Variants in TRIOBP observed in about 807,000 individuals in gnomAD.
The protein encoded by TRIOBP is TRIO and F-actin-binding protein.
TRIOBP carries 169 observed loss-of-function variants against 238.8 expected under a neutral mutation model. That is an observed-to-expected ratio of 0.71 (90% CI 0.62 to 0.80). The LOEUF (loss-of-function observed/expected upper bound fraction) is 0.80, where lower values mean the gene tolerates loss of function less well. Among genes scored for constraint, TRIOBP ranks in the 30% least tolerant of loss-of-function variants. The pLI, the probability that TRIOBP is intolerant of heterozygous loss-of-function variation, is 0.00. For missense variants in TRIOBP, 2,838 were observed against 3,122.6 expected (o/e 0.91, Z 2.17); for synonymous variants, 1,150 against 1,274.4 (o/e 0.90, Z 2.08).
chr22:37,718,131 C>CACCAA (rs1480468771), intron 6 of TRIOBP, among the ~76,000 whole-genome samples: 5 of 152,184 alleles, frequency 3.3e-5, no homozygotes, highest in Non-Finnish European at 5.9e-5. Flanking sequence ...CCGGCCGCTC[C>CACCAA]GAGTGCGGGG....
At position 37,723,744 on chromosome 22, in the gene TRIOBP, C is replaced by G; in HGVS notation, c.1188C>G (p.Thr396=). The change falls in exon 7 of 24, where the codon ACC becomes ACG. Residue 396 remains threonine (T), a synonymous_variant. Transcript: ENST00000644935. ...CCAGAGCCTCCTCTCCCAACAGAAC[C>G]ACTCAACGAGAGAATTCCAGAACAT... The part of the protein sequence containing the change: ...DDPRASSPNR[T]TQRENSRTSC... 6.3e-7 allele frequency: 1 copy of G among 1,586,506 alleles called. No homozygotes were observed.
chr22:37,761,593 T>C (rs1215990556), intron 17 of TRIOBP, among the ~76,000 whole-genome samples: 1 of 151,790 alleles, frequency 6.6e-6, no homozygotes, highest in Non-Finnish European at 1.5e-5. Flanking sequence ...CATTAGGAAA[T>C]GGCTGAAGGA....
intron 2 of TRIOBP, among the ~76,000 whole-genome samples, chr22:37,698,639 C>G (rs1922480603): frequency 6.6e-6 from 1 of 151,954 alleles, no homozygotes; most frequent in South Asian, 2.1e-4. Flanking sequence ...AGGCGTGAGC[C>G]ACCGCACCTG....
At chr22:37,715,171 TG>T (rs1270917575) in intron 5 of TRIOBP, among the ~76,000 whole-genome samples, 1 of 151,946 alleles carries the variant, frequency 6.6e-6, no homozygotes, top group Non-Finnish European at 1.5e-5. Flanking sequence ...CCCACCACTA[TG>T]CCTGGCTAGT....
rs564484623 is a variant in TRIOBP, at chr22:37,746,613, C to T, written c.5323-5159C>T. Among the ~76,000 whole-genome samples the T allele has an allele frequency of 1.5e-3, 235 of 152,366 alleles. 1 individual carries two copies. Among genetic ancestry groups the T allele is most frequent in the African/African-American group, 5.4e-3 (223 of 41,594 alleles). On this transcript the variant is annotated intron_variant, in intron 11 of 23. Transcript: ENST00000644935. ...GCCTCACCCTTCCCGCAGGCTCCTC[C>T]TCGCCTTCCCTCGCCCACTCGCCCC... is the stretch of plus-strand genomic sequence containing the variant.
chr22:37,723,378 A>C lies in TRIOBP; in HGVS notation c.822A>C (p.Glu274Asp). The C allele has an allele frequency of 6.2e-7, 1 of 1,613,956 alleles. No homozygotes were observed. The highest frequency in any genetic ancestry group is 8.5e-7 in the Non-Finnish European group (1 of 1,179,948). Reference protein sequence around the residue: ...RDTAQAASTREIPRASSPHRI... With the variant: ...RDTAQAASTRDIPRASSPHRI... Reference sequence around the variant, plus strand: ...CTGCTCAGGCTGCCTCTACACGTGAAATCCCCAGAGCCTCCTCTCCCCATC... The same window carrying C: ...CTGCTCAGGCTGCCTCTACACGTGACATCCCCAGAGCCTCCTCTCCCCATC... Residue 274 changes from glutamate to aspartate, a missense_variant, in exon 7 of 24, where the codon GAA becomes GAC. By Grantham distance (45) the Glu-to-Asp change is conservative. Around this residue, in one of 5 missense-constraint regions of TRIOBP, gnomAD observed 535 missense variants for 537.3 expected, o/e 1.00. Transcript: ENST00000644935.
chr22:37,700,353 C>G (rs1229197758), intron 2 of TRIOBP, among the ~76,000 whole-genome samples: 2 of 149,904 alleles, frequency 1.3e-5, no homozygotes, highest in Non-Finnish European at 3.0e-5. Context: ...TTATAGCACA[C>G]TACCACCTCA....
intron 10 of TRIOBP, among the ~76,000 whole-genome samples, chr22:37,739,833 C>A (rs964438873): frequency 2.6e-5 from 4 of 152,202 alleles, no homozygotes; most frequent in African/African-American, 4.8e-5. Flanking sequence ...GAGTAGTGAA[C>A]GAGGCGGAAA....
In TRIOBP at chr22:37,757,880, G is replaced by A. The variant is rs2145870225; in HGVS notation, c.5955G>A (p.Glu1985=). The stretch of plus-strand genomic sequence containing the variant: ...GGGACCTGGCCCAGCGCTCCGAGGA[G>A]CGGCGCAAGTGGTTTGAGGCCACAG... ...LERDLAQRSE[E]RRKWFEATDS... is the part of the protein sequence containing the mutation. Residue 1985 remains glutamate (E), a synonymous_variant, in exon 16 of 24, where the codon GAG becomes GAA. Coordinates refer to ENST00000644935, the MANE Select transcript of TRIOBP (RefSeq NM_001039141.3). The A allele has an allele frequency of 6.4e-7, 1 of 1,553,186 alleles. No homozygotes were observed. Among genetic ancestry groups the A allele is most frequent in the Non-Finnish European group, 8.7e-7 (1 of 1,148,610 alleles).
chr22:37,728,253 C>T (rs1924270454), intron 7 of TRIOBP, among the ~76,000 whole-genome samples: 1 of 116,588 alleles, frequency 8.6e-6, no homozygotes, highest in African/African-American at 3.1e-5. Context: ...CAGAGTGAGA[C>T]TCCGTCTCAA....
At chr22:37,704,038 G>T (rs951888633) in intron 3 of TRIOBP, among the ~76,000 whole-genome samples, 3 of 152,038 alleles carry the variant, frequency 2.0e-5, no homozygotes, top group Admixed American at 6.6e-5. Context: ...CATACGTACT[G>T]AATAGGTGCT....
intron 9 of TRIOBP, among the ~76,000 whole-genome samples, chr22:37,737,969 A>G (rs1026002294): frequency 6.6e-6 from 1 of 152,110 alleles, no homozygotes; most frequent in African/African-American, 2.4e-5. Flanking sequence ...TTTCCCCATA[A>G]GCTCCACACA....
In TRIOBP at chr22:37,717,121, G is replaced by A. The variant is rs527703411; in HGVS notation, c.628+1187G>A. Among the ~76,000 whole-genome samples, 13 of 152,286 alleles carry A rather than the reference G, an allele frequency of 8.5e-5. No individual in the cohort carries two copies. The East Asian group carries it at 1.2e-3, about 14-fold the overall frequency. ...GGAGTTTCTTCCTTCTGGTGGGTTC[G>A]CGGTCTCGCTGGCTCAGGAGTGAAG... On this transcript the variant is annotated intron_variant, in intron 6 of 23. Coordinates refer to ENST00000644935, the MANE Select transcript of TRIOBP (RefSeq NM_001039141.3).
chr22:37,713,138 G>A, intron 4 of TRIOBP, 72 bp from the exon 5 acceptor site: 1 of 1,384,324 alleles, frequency 7.2e-7, no homozygotes, highest in Non-Finnish European at 1.0e-6. Flanking sequence ...GTGTGAGTGA[G>A]TGCATATGCC....
chr22:37,740,069 G>T (rs930568509), intron 10 of TRIOBP, among the ~76,000 whole-genome samples: 1 of 152,224 alleles, frequency 6.6e-6, no homozygotes, highest in African/African-American at 2.4e-5. Context: ...TAGTGAGATG[G>T]TTGCATGCCT....
At chr22:37,754,545 A>G (rs1458634813) in intron 12 of TRIOBP, among the ~76,000 whole-genome samples, 1 of 152,156 alleles carries the variant, frequency 6.6e-6, no homozygotes, top group Middle Eastern at 3.2e-3. Flanking sequence ...GAATATGGAA[A>G]AAGACGTAAC....
chr22:37,754,786 C>G (rs547742058), intron 12 of TRIOBP, 91 bp from the exon 13 acceptor site: 373 of 1,337,318 alleles, frequency 2.8e-4, no homozygotes, highest in Non-Finnish European at 9.4e-5. Flanking sequence ...GCCTCCCCAC[C>G]CCTCCTGTGT....
intron 15 of TRIOBP, among the ~76,000 whole-genome samples, chr22:37,756,872 C>A (rs1392329063): frequency 6.6e-6 from 1 of 152,240 alleles, no homozygotes; most frequent in African/African-American, 2.4e-5. Flanking sequence ...CGCCTTCACC[C>A]CATCAGCAGT....
intron 12 of TRIOBP, 75 bp downstream of exon 12, chr22:37,751,903 G>T (rs1925628054): frequency 5.3e-6 from 8 of 1,516,426 alleles, no homozygotes; most frequent in Non-Finnish European, 7.3e-6. Context: ...CAGGAGTGGG[G>T]GTGGGGCTGG....
Sources: gnomAD v4.1 joint callset for allele counts (sites outside exome capture counted in the v4.1 genomes callset) on GRCh38, gnomAD v4.1.1 for gene constraint, gnomAD v4.1.1 regional missense constraint, MANE v1.5 for transcripts, NCBI Gene and HGNC (gene_info 2026-07-23, HGNC 2026-07-21) for gene names.